The following TBCK variants were observed in gnomAD, a reference collection of about 807,000 sequenced individuals.
The protein encoded by TBCK is TBC1 domain containing kinase, also known as TBC domain-containing protein kinase-like protein.
A neutral mutation model predicts 113.4 loss-of-function variants in TBCK; 99 were observed. The ratio of observed to expected loss-of-function variants is 0.87; its 90% confidence interval spans 0.74 to 1.03. The LOEUF (loss-of-function observed/expected upper bound fraction) is 1.03. TBCK is among the 50% of genes least tolerant of loss of function. TBCK has a pLI of 0.00. For missense variants in TBCK, 1,045 were observed against 1,061.3 expected (o/e 0.98, Z 0.21); for synonymous variants, 369 against 370.8 (o/e 1.00, Z 0.05).
At chr4:106,164,371 T>C (rs1002349611) in intron 23 of TBCK, 2 of 152,030 alleles carry the variant, frequency 1.3e-5, no homozygotes, top group African/African-American at 4.8e-5. Flanking sequence ...GATACATAAT[T>C]GTACTTTTCC....
intron 22 of TBCK, among the ~76,000 whole-genome samples, chr4:106,185,626 C>G (rs1467796550): frequency 6.6e-6 from 1 of 152,086 alleles, no homozygotes; most frequent in Non-Finnish European, 1.5e-5. Flanking sequence ...GAACAACACC[C>G]TCACATGTTA....
rs938341452 is a variant in TBCK, at chr4:106,136,516, T to C, written c.2236-20138A>G. 8.5e-5 allele frequency among the ~76,000 whole-genome samples: 12 copies of C among 141,376 alleles called. 2 individuals are homozygous for C. The highest frequency in any genetic ancestry group is 2.8e-4 in the African/African-American group (11 of 39,974). The allele number at this position is 141,376 out of a possible 152,430, so 92.7% of individuals were successfully genotyped here. A position where few individuals can be genotyped will look rare whatever the true frequency, so the allele number is the denominator to read the frequency against. ...AACTGGGGGTTTTCAAGTATAGTAT[T>C]CTGTGTGAAATTGGGAAGGTACTTC... is the stretch of plus-strand genomic sequence containing the variant. On this transcript the variant is annotated intron_variant, in intron 23 of 25. Transcript: ENST00000394708.
chr4:106,236,618 G>A, intron 13 of TBCK, 99 bp from the exon 14 acceptor site: 1 of 1,180,010 alleles, frequency 8.5e-7, no homozygotes, highest in Non-Finnish European at 1.1e-6. Flanking sequence ...TTCAGAAAAA[G>A]CACAAAATTT....
chr4:106,173,318 GAT>G (rs1005090958), intron 22 of TBCK, among the ~76,000 whole-genome samples: 4 of 152,114 alleles, frequency 2.6e-5, no homozygotes, highest in African/African-American at 7.2e-5. Context: ...AGAAAAAAGA[GAT>G]AGCACAATTC....
chr4:106,097,401 T>G (rs918877644), intron 24 of TBCK, among the ~76,000 whole-genome samples: 2 of 152,158 alleles, frequency 1.3e-5, no homozygotes, highest in Non-Finnish European at 2.9e-5. Context: ...ATGAAACTTA[T>G]AGCACAAAAA....
At chr4:106,250,540 T>C in intron 6 of TBCK, 62 bp from the exon 7 acceptor site, 1 of 915,042 alleles carries the variant, frequency 1.1e-6, no homozygotes, top group Non-Finnish European at 1.7e-6. Context: ...GGAAGGCATT[T>C]TTCTCCCCTT....
intron 19 of TBCK, among the ~76,000 whole-genome samples, chr4:106,227,287 C>T (rs942829028): frequency 4.6e-5 from 7 of 152,096 alleles, no homozygotes; most frequent in Middle Eastern, 3.4e-3. Context: ...ATTCAATTTG[C>T]TTGTAAACAC....
At position 106,188,771 on chromosome 4, in the gene TBCK, T is replaced by C. The variant is rs567387098; in HGVS notation, c.2059+4838A>G. Among the ~76,000 whole-genome samples the C allele has an allele frequency of 7.9e-5, 12 of 152,286 alleles. No homozygotes were observed. In the South Asian group the frequency reaches 2.5e-3, roughly 32 times the overall value. ...CGTACGAAATATTTCTTTTAAACTTTATAAAGTATTTACATGTTGCAAAAT... is the reference window on the plus strand; with the variant it reads ...CGTACGAAATATTTCTTTTAAACTTCATAAAGTATTTACATGTTGCAAAAT... On this transcript the variant is annotated intron_variant, in intron 22 of 25. Transcript: ENST00000394708.
chr4:106,301,662 A>G (rs1050917507), intron 2 of TBCK, among the ~76,000 whole-genome samples: 2 of 152,196 alleles, frequency 1.3e-5, no homozygotes, highest in Non-Finnish European at 1.5e-5. Context: ...CTGAGCTAAC[A>G]TAACATGTGA....
intron 25 of TBCK, among the ~76,000 whole-genome samples, chr4:106,060,604 C>G (rs1735928595): frequency 6.6e-6 from 1 of 151,822 alleles, no homozygotes; most frequent in Non-Finnish European, 1.5e-5. Flanking sequence ...GGAGAACATA[C>G]AAAGAGATGA....
At chr4:106,274,337 C>T (rs1279328313) in intron 3 of TBCK, among the ~76,000 whole-genome samples, 1 of 152,074 alleles carries the variant, frequency 6.6e-6, no homozygotes, top group Admixed American at 6.6e-5. Flanking sequence ...AATTTCCATT[C>T]CAATATGAAC....
At chr4:106,222,456 A>G (rs1247425859) in intron 19 of TBCK, among the ~76,000 whole-genome samples, 1 of 152,190 alleles carries the variant, frequency 6.6e-6, no homozygotes, top group Non-Finnish European at 1.5e-5. Context: ...AGAAAGCCCT[A>G]CATATAGGTA....
intron 23 of TBCK, among the ~76,000 whole-genome samples, chr4:106,128,951 T>C (rs1393244843): frequency 6.6e-6 from 1 of 152,154 alleles, no homozygotes; most frequent in Non-Finnish European, 1.5e-5. Flanking sequence ...CTCAAATACA[T>C]ATAAATATTT....
rs1183084621 is a variant in TBCK, at chr4:106,046,083, G to T, written c.*487C>A. 6.5e-6 allele frequency: 1 copy of T among 152,710 alleles called. No homozygotes were observed. The highest frequency in any genetic ancestry group is 1.5e-5 in the Non-Finnish European group (1 of 68,522). The allele number at this position is 152,710 out of a possible 1,614,324, so 9.5% of individuals were successfully genotyped here. A position where few individuals can be genotyped will look rare whatever the true frequency, so the allele number is the denominator to read the frequency against. ...ACACACACACACATCCCCCTTGTTT[G>T]GGTGAAATGAGTTACTAAATGTAGC... On this transcript the variant is annotated 3_prime_UTR_variant, in exon 26 of 26. Transcript: ENST00000394708.
intron 25 of TBCK, among the ~76,000 whole-genome samples, chr4:106,093,008 G>A (rs1740483963): frequency 6.6e-6 from 1 of 152,212 alleles, no homozygotes; most frequent in African/African-American, 2.4e-5. Context: ...GAGATTTGGA[G>A]GGGACAAATA....
chr4:106,247,442 T>C (rs1410862390), intron 9 of TBCK, 155 bp from the exon 10 acceptor site: 1 of 607,468 alleles, frequency 1.6e-6, no homozygotes. Flanking sequence ...TGCATACTTT[T>C]ATATTATAAT....
At chr4:106,062,327 A>G (rs952744125) in intron 25 of TBCK, among the ~76,000 whole-genome samples, 2 of 151,892 alleles carry the variant, frequency 1.3e-5, no homozygotes, top group Admixed American at 6.6e-5. Flanking sequence ...CTCTTCTGAT[A>G]AAATTCCATC....
At chr4:106,209,428 A>G (rs1755881505) in intron 20 of TBCK, among the ~76,000 whole-genome samples, 1 of 152,156 alleles carries the variant, frequency 6.6e-6, no homozygotes, top group Non-Finnish European at 1.5e-5. Context: ...CTACTCCTGA[A>G]TTTCAATCCT....
At chr4:106,101,597 T>G (rs894816046) in intron 24 of TBCK, among the ~76,000 whole-genome samples, 3 of 152,184 alleles carry the variant, frequency 2.0e-5, no homozygotes, top group Non-Finnish European at 4.4e-5. Context: ...GGTTTATGTG[T>G]TTTTCAAAAA....
Sources: allele counts gnomAD v4.1 joint callset (sites outside exome capture counted in the v4.1 genomes callset), GRCh38; gene constraint gnomAD v4.1.1; transcripts MANE v1.5; gene names NCBI Gene and HGNC (gene_info 2026-07-23, HGNC 2026-07-21).